The following MGAT5 variants were observed in gnomAD, a reference collection of about 807,000 sequenced individuals.
MGAT5 encodes the protein alpha-1,6-mannosylglycoprotein 6-beta-N-acetylglucosaminyltransferase, also known as alpha-1,6-mannosylglycoprotein 6-beta-N-acetylglucosaminyltransferase A.
In MGAT5, 30 loss-of-function variants were observed where a neutral mutation model predicts 94.3. The observed-to-expected ratio is 0.32, with a 90% confidence interval of 0.24 to 0.43. The LOEUF (loss-of-function observed/expected upper bound fraction) is 0.43, where lower values mean the gene tolerates loss of function less well. Among genes scored for constraint, MGAT5 ranks in the 20% least tolerant of loss-of-function variants. The pLI, the probability that MGAT5 is intolerant of heterozygous loss-of-function variation, is 1.00. For synonymous variants in MGAT5, 310 were observed against 322.9 expected, an observed-to-expected ratio of 0.96 and a Z score of 0.43; for missense variants, 691 against 905.5, an observed-to-expected ratio of 0.76 and a Z score of 3.04.
intron 11 of MGAT5, among the ~76,000 whole-genome samples, chr2:134,409,495 T>C (rs993785001): frequency 6.6e-6 from 1 of 152,234 alleles, no homozygotes; most frequent in African/African-American, 2.4e-5. Context: ...ACCACATTGT[T>C]CTGGGCACTT....
At chr2:134,190,762 C>T (rs940919257) in intron 1 of MGAT5, among the ~76,000 whole-genome samples, 3 of 152,130 alleles carry the variant, frequency 2.0e-5, no homozygotes, top group African/African-American at 7.2e-5. Context: ...ACTCCCACGT[C>T]AGCCTCCCGA....
Position 134,358,109 on chromosome 2 carries a change from C to T in MGAT5, c.1247-4166C>T, listed in dbSNP as rs181453210. 7.2e-3 allele frequency among the ~76,000 whole-genome samples: 1,087 copies of T among 151,848 alleles called. 12 individuals are homozygous for T. Among genetic ancestry groups the T allele is most frequent in the African/African-American group, 0.025 (1,035 of 41,436 alleles). On this transcript the variant is annotated intron_variant, in intron 9 of 15. Coordinates refer to ENST00000281923, the MANE Select transcript of MGAT5 (RefSeq NM_002410.5). Reference sequence around the variant, plus strand: ...AAAATAGAAGAAATGTTACTAGAAACCCACAAATCTAGATTCTACAATTAA... The same window carrying T: ...AAAATAGAAGAAATGTTACTAGAAATCCACAAATCTAGATTCTACAATTAA...
intron 1 of MGAT5, among the ~76,000 whole-genome samples, chr2:134,130,320 C>T (rs1441826556): frequency 1.3e-5 from 2 of 151,156 alleles, no homozygotes; most frequent in Non-Finnish European, 3.0e-5. Flanking sequence ...CCAGTAGCCC[C>T]AGCCTCCCCT....
intron 1 of MGAT5, among the ~76,000 whole-genome samples, chr2:134,241,848 A>G (rs556894724): frequency 6.5e-4 from 99 of 152,308 alleles, no homozygotes; most frequent in South Asian, 2.5e-3. Context: ...ACCTAGAGCA[A>G]TGGATGGATT....
intron 14 of MGAT5, among the ~76,000 whole-genome samples, chr2:134,434,756 A>G (rs1685077826): frequency 6.6e-6 from 1 of 152,040 alleles, no homozygotes; most frequent in Non-Finnish European, 1.5e-5. Context: ...CCCCTTCCCT[A>G]GAGTTAATCT....
chr2:134,155,407 T>A (rs1687429463), intron 1 of MGAT5, among the ~76,000 whole-genome samples: 1 of 152,246 alleles, frequency 6.6e-6, no homozygotes, highest in African/African-American at 2.4e-5. Flanking sequence ...GAAGTTGGTC[T>A]GATTGTGTTT....
At chr2:134,126,722 A>G (rs966797393) in intron 1 of MGAT5, among the ~76,000 whole-genome samples, 8 of 152,218 alleles carry the variant, frequency 5.3e-5, no homozygotes, top group Non-Finnish European at 1.2e-4. Flanking sequence ...AGTAGAGAAG[A>G]TGACCAGGCT....
intron 10 of MGAT5, among the ~76,000 whole-genome samples, chr2:134,386,724 G>T (rs1266191680): frequency 2.0e-5 from 3 of 152,142 alleles, no homozygotes; most frequent in African/African-American, 7.2e-5. Flanking sequence ...CCTACTCCTA[G>T]TTACTAGGGA....
At chr2:134,198,724 T>TTGC (rs1364159206) in intron 1 of MGAT5, among the ~76,000 whole-genome samples, 1 of 152,184 alleles carries the variant, frequency 6.6e-6, no homozygotes, top group African/African-American at 2.4e-5. Flanking sequence ...GGAGTGGACT[T>TTGC]TTAAGCAAAC....
intron 1 of MGAT5, among the ~76,000 whole-genome samples, chr2:134,225,503 CA>C (rs1434893437): frequency 3.3e-5 from 5 of 152,178 alleles, no homozygotes; most frequent in Admixed American, 6.5e-5. Context: ...GATTTTCTAT[CA>C]TTTTTTTGAT....
At chr2:134,202,093 A>T (rs1386794492) in intron 1 of MGAT5, among the ~76,000 whole-genome samples, 1 of 151,120 alleles carries the variant, frequency 6.6e-6, no homozygotes, top group Non-Finnish European at 1.5e-5. Flanking sequence ...ATATCTATCT[A>T]TGACATCCTC....
At chr2:134,447,646 C>G (rs1685866428) in intron 15 of MGAT5, among the ~76,000 whole-genome samples, 1 of 152,232 alleles carries the variant, frequency 6.6e-6, no homozygotes, top group African/African-American at 2.4e-5. Flanking sequence ...TGCAGGACAC[C>G]AGGTGAGGCC....
intron 2 of MGAT5, among the ~76,000 whole-genome samples, chr2:134,316,336 T>A (rs1686996364): frequency 6.6e-6 from 1 of 152,132 alleles, no homozygotes; most frequent in Non-Finnish European, 1.5e-5. Flanking sequence ...TGAGACCACC[T>A]CAGTTCCTTG....
At chr2:134,273,743 G>A (rs762003469) in intron 2 of MGAT5, among the ~76,000 whole-genome samples, 1 of 151,974 alleles carries the variant, frequency 6.6e-6, no homozygotes, top group Non-Finnish European at 1.5e-5. Context: ...GTTTTTTAAT[G>A]TGAAAGTAAA....
intron 15 of MGAT5, among the ~76,000 whole-genome samples, chr2:134,444,820 A>G (rs965786474): frequency 1.2e-4 from 18 of 152,174 alleles, no homozygotes; most frequent in African/African-American, 4.3e-4. Flanking sequence ...ACCAGCCTCG[A>G]GTTCTTGTGC....
intron 10 of MGAT5, among the ~76,000 whole-genome samples, chr2:134,381,347 A>ATAGATAGG (rs1389065797): frequency 2.4e-5 from 2 of 84,540 alleles, no homozygotes; most frequent in African/African-American, 9.0e-5. Flanking sequence ...AGATAGATAG[A>ATAGATAGG]TAGATAGATA....
chr2:134,352,479 A>T (rs1679449270), intron 9 of MGAT5, among the ~76,000 whole-genome samples: 1 of 152,226 alleles, frequency 6.6e-6, no homozygotes, highest in Non-Finnish European at 1.5e-5. Context: ...TATATATGTC[A>T]GATACAAAGG....
At chr2:134,124,620 C>T (rs79824514) in intron 1 of MGAT5, among the ~76,000 whole-genome samples, 4,749 of 152,286 alleles carry the variant, frequency 0.031, 522 homozygotes, top group East Asian at 0.27. Flanking sequence ...GCCTGCTGGA[C>T]CTTGACCCTT....
intron 1 of MGAT5, among the ~76,000 whole-genome samples, chr2:134,225,934 C>G (rs1254400176): frequency 6.6e-6 from 1 of 152,164 alleles, no homozygotes; most frequent in Non-Finnish European, 1.5e-5. Flanking sequence ...GACTTTTGAC[C>G]TCTTCTGGGA....
Sources: gnomAD v4.1 joint callset for allele counts (sites outside exome capture counted in the v4.1 genomes callset) on GRCh38, gnomAD v4.1.1 for gene constraint, MANE v1.5 for transcripts, NCBI Gene and HGNC (gene_info 2026-07-23, HGNC 2026-07-21) for gene names.